SLC60A2: variants seen among roughly 807,000 people sequenced by gnomAD.
The protein encoded by SLC60A2 is solute carrier family 60 member 2, also known as major facilitator superfamily domain containing 4B.
chr6:111,270,844 A>G, the SLC60A2 span: 1 of 150,216 alleles, frequency 6.7e-6, no homozygotes, highest in African/African-American at 2.4e-5. Flanking sequence ...GACTGTCTCA[A>G]AAAAAAAAAA....
At chr6:111,273,310 A>G in the SLC60A2 span, among the ~76,000 whole-genome samples, 7 of 151,772 alleles carry the variant, frequency 4.6e-5, no homozygotes, top group African/African-American at 1.7e-4. Context: ...TATGCTTATT[A>G]TTATTATTTT....
the SLC60A2 span, among the ~76,000 whole-genome samples, chr6:111,277,163 T>G: frequency 6.6e-6 from 1 of 152,276 alleles, no homozygotes; most frequent in Non-Finnish European, 1.5e-5. Flanking sequence ...CTGTCTGCTC[T>G]GTACCAGAGA....
the SLC60A2 span, among the ~76,000 whole-genome samples, chr6:111,260,559 G>A: frequency 6.6e-6 from 1 of 152,138 alleles, no homozygotes; most frequent in East Asian, 1.9e-4. Context: ...GCCTAGAGGC[G>A]CCTTTTGCCA....
chr6:111,265,438 G>C, the SLC60A2 span: 1 of 977,560 alleles, frequency 1.0e-6, no homozygotes, highest in South Asian at 4.7e-5. Flanking sequence ...ACATACATAA[G>C]TAAGTAATTT....
chr6:111,266,303 A>T, the SLC60A2 span: 1 of 1,614,162 alleles, frequency 6.2e-7, no homozygotes, highest in Non-Finnish European at 8.5e-7. Context: ...CTGAGGTAAC[A>T]TATGGCTCTT....
At chr6:111,262,882 T>C in the SLC60A2 span, among the ~76,000 whole-genome samples, 8 of 152,052 alleles carry the variant, frequency 5.3e-5, no homozygotes, top group South Asian at 1.4e-3. Context: ...TGCCCCATGT[T>C]GTCGTTGGAC....
At chr6:111,278,912 A>C in the SLC60A2 span, among the ~76,000 whole-genome samples, 6 of 152,176 alleles carry the variant, frequency 3.9e-5, no homozygotes, top group East Asian at 1.9e-4. Flanking sequence ...CGTGATTGCA[A>C]AATGTGTTCT....
the SLC60A2 span, chr6:111,271,182 A>C: frequency 6.6e-6 from 1 of 151,456 alleles, no homozygotes; most frequent in South Asian, 2.1e-4. Context: ...AAAAAAAAAA[A>C]AAAAAAAAAA....
At chr6:111,267,023 A>G in the SLC60A2 span, 3 of 1,614,048 alleles carry the variant, frequency 1.9e-6, no homozygotes, top group South Asian at 2.2e-5. Context: ...ATCAATACCC[A>G]TCAAATGCAC....
chr6:111,266,625 G>T, the SLC60A2 span: 2 of 1,614,006 alleles, frequency 1.2e-6, no homozygotes, highest in Non-Finnish European at 1.7e-6. Flanking sequence ...TGGGAAATCT[G>T]CAGCATTTTT....
At chr6:111,276,496 CAAAGA>C in the SLC60A2 span, among the ~76,000 whole-genome samples, 1 of 152,154 alleles carries the variant, frequency 6.6e-6, no homozygotes, top group East Asian at 1.9e-4. Flanking sequence ...TAAGTGAACT[CAAAGA>C]AAAGTTATGT....
the SLC60A2 span, chr6:111,262,142 A>G: frequency 6.5e-6 from 5 of 765,198 alleles, no homozygotes; most frequent in Admixed American, 6.0e-5. Flanking sequence ...CCTACATTAC[A>G]TTGTAAATCC....
At chr6:111,259,392 C>T in the SLC60A2 span, 1 of 379,990 alleles carries the variant, frequency 2.6e-6, no homozygotes, top group Non-Finnish European at 4.7e-6. Context: ...AGTTCCTCTT[C>T]TCTGCCCCGG....
At chr6:111,263,925 T>G in the SLC60A2 span, 1 of 1,594,932 alleles carries the variant, frequency 6.3e-7, no homozygotes, top group African/African-American at 1.3e-5. Context: ...CTTCGGTGTT[T>G]CAATTGGCAT....
the SLC60A2 span, among the ~76,000 whole-genome samples, chr6:111,259,997 G>C: frequency 7.1e-6 from 1 of 141,352 alleles, no homozygotes; most frequent in Non-Finnish European, 1.5e-5. Flanking sequence ...TGCAACCTCT[G>C]CCCCCAGGGT....
the SLC60A2 span, among the ~76,000 whole-genome samples, chr6:111,263,538 A>T: frequency 6.6e-6 from 1 of 152,294 alleles, no homozygotes; most frequent in East Asian, 1.9e-4. Flanking sequence ...GAATCATTTA[A>T]ATTAGTTTTG....
At chr6:111,259,366 A>G in the SLC60A2 span, 5 of 342,278 alleles carry the variant, frequency 1.5e-5, no homozygotes, top group Non-Finnish European at 2.6e-5. Flanking sequence ...TGCCACGAAC[A>G]CCTGCGGCGT....
the SLC60A2 span, chr6:111,265,377 A>C: frequency 4.3e-5 from 42 of 985,390 alleles, no homozygotes; most frequent in South Asian, 1.4e-3. Context: ...TCTAATGGGC[A>C]TACCAGAATC....
At chr6:111,260,086 T>G in the SLC60A2 span, among the ~76,000 whole-genome samples, 2 of 152,144 alleles carry the variant, frequency 1.3e-5, no homozygotes, top group Non-Finnish European at 2.9e-5. Context: ...AATTTTTGTA[T>G]TTTTAGTAGA....
Sources: allele counts gnomAD v4.1 joint callset (sites outside exome capture counted in the v4.1 genomes callset), GRCh38; gene constraint gnomAD v4.1.1; transcripts MANE v1.5; gene names NCBI Gene and HGNC (gene_info 2026-07-23, HGNC 2026-07-21).